Variants in SGK3 observed in about 807,000 individuals in gnomAD.
SGK3 encodes serine/threonine-protein kinase Sgk3.
Under a neutral mutation model 68.5 loss-of-function variants are expected in SGK3, and 47 were observed. The observed-to-expected ratio is 0.69, with a 90% CI of 0.54 to 0.87. The LOEUF is 0.87. SGK3 is among the 40% of genes least tolerant of loss of function. The pLI, the probability that SGK3 is intolerant of heterozygous loss-of-function variation, is 0.00. For synonymous variants in SGK3, 181 were observed against 189.1 expected, an observed-to-expected ratio of 0.96 and a Z score of 0.35; for missense variants, 479 against 575.5, an observed-to-expected ratio of 0.83 and a Z score of 1.72.
chr8:66,836,739 G>A (rs1037167594), intron 10 of SGK3, among the ~76,000 whole-genome samples: 6 of 148,616 alleles, frequency 4.0e-5, no homozygotes, highest in Admixed American at 6.7e-5. Context: ...TAAAGACTTC[G>A]AGAAATTCTG....
At chr8:66,814,369 T>C (rs542668186) in intron 5 of SGK3, among the ~76,000 whole-genome samples, 1 of 152,260 alleles carries the variant, frequency 6.6e-6, no homozygotes, top group African/African-American at 2.4e-5. Context: ...ATTTTTATGA[T>C]AGAGGTGCTA....
intron 16 of SGK3, among the ~76,000 whole-genome samples, chr8:66,858,168 C>G (rs1327324213): frequency 2.0e-5 from 3 of 152,040 alleles, no homozygotes; most frequent in Non-Finnish European, 2.9e-5. Flanking sequence ...TATGGAAGCT[C>G]AAATACAAAA....
intron 13 of SGK3, among the ~76,000 whole-genome samples, 190 bp from the exon 14 acceptor site, chr8:66,843,262 G>T (rs1411007135): frequency 6.6e-6 from 1 of 152,120 alleles, no homozygotes; most frequent in Non-Finnish European, 1.5e-5. Context: ...TACATGTATT[G>T]TGAAGTGTTC....
At chr8:66,839,555 A>ATG (rs1809707896) in intron 10 of SGK3, among the ~76,000 whole-genome samples, 2 of 72,228 alleles carry the variant, frequency 2.8e-5, no homozygotes, top group African/African-American at 1.5e-4. Flanking sequence ...ATATATATAT[A>ATG]TATTTTCATA....
chr8:66,744,509 A>C (rs1443363565), intron 1 of SGK3, among the ~76,000 whole-genome samples: 2 of 25,084 alleles, frequency 8.0e-5, no homozygotes, highest in Non-Finnish European at 1.3e-4. Context: ...ATATATATAT[A>C]TATATATATA....
intron 1 of SGK3, among the ~76,000 whole-genome samples, chr8:66,762,383 G>A (rs1217575367): frequency 6.6e-6 from 1 of 152,168 alleles, no homozygotes; most frequent in East Asian, 1.9e-4. Flanking sequence ...TGGGTGTGGT[G>A]GCATGTGCCT....
At chr8:66,746,269 A>G (rs1184050652) in intron 1 of SGK3, among the ~76,000 whole-genome samples, 1 of 152,108 alleles carries the variant, frequency 6.6e-6, no homozygotes. Context: ...CTGTCTTCAG[A>G]TAGTGTGGGC....
intron 1 of SGK3, among the ~76,000 whole-genome samples, chr8:66,735,070 T>C (rs1444893638): frequency 6.6e-6 from 1 of 152,226 alleles, no homozygotes; most frequent in Non-Finnish European, 1.5e-5. Flanking sequence ...TTGTTAATCT[T>C]TTACTGTGCC....
At chr8:66,785,898 A>G (rs1807179201) in intron 1 of SGK3, among the ~76,000 whole-genome samples, 1 of 152,200 alleles carries the variant, frequency 6.6e-6, no homozygotes, top group Non-Finnish European at 1.5e-5. Context: ...CTACAAAATT[A>G]TCTTCTGACT....
At chr8:66,822,246 G>A (rs1396677461) in intron 5 of SGK3, 126 bp from the exon 6 acceptor site, 4 of 761,556 alleles carry the variant, frequency 5.3e-6, no homozygotes, top group Non-Finnish European at 7.6e-6. Flanking sequence ...GAATATTAAT[G>A]GATTCTGTTT....
chr8:66,747,160 A>T (rs1249169426), intron 1 of SGK3, among the ~76,000 whole-genome samples: 1 of 152,128 alleles, frequency 6.6e-6, no homozygotes, highest in Non-Finnish European at 1.5e-5. Context: ...AGAGTATGAC[A>T]TCAGGAGAAG....
At chr8:66,833,620 C>T (rs1809390854) in intron 8 of SGK3, among the ~76,000 whole-genome samples, 1 of 152,176 alleles carries the variant, frequency 6.6e-6, no homozygotes, top group African/African-American at 2.4e-5. Flanking sequence ...GTTGTCAAAT[C>T]CGTGACCATG....
chr8:66,785,740 C>G (rs1260704896), intron 1 of SGK3, among the ~76,000 whole-genome samples: 1 of 152,232 alleles, frequency 6.6e-6, no homozygotes, highest in Non-Finnish European at 1.5e-5. Context: ...TTGCCGTCAT[C>G]TGACCCATTT....
chr8:66,835,645 G>T, intron 8 of SGK3, 118 bp from the exon 9 acceptor site: 1 of 1,058,712 alleles, frequency 9.4e-7, no homozygotes, highest in East Asian at 2.6e-5. Flanking sequence ...ACATGATCTA[G>T]GTCCCTTATG....
chr8:66,714,026 G>T (rs976069446), intron 1 of SGK3, among the ~76,000 whole-genome samples: 10 of 152,180 alleles, frequency 6.6e-5, no homozygotes, highest in African/African-American at 2.4e-4. Context: ...TTCAACTGCC[G>T]TTGTGCCCAT....
intron 1 of SGK3, among the ~76,000 whole-genome samples, chr8:66,747,987 A>G (rs1459532210): frequency 6.6e-6 from 1 of 152,198 alleles, no homozygotes; most frequent in Non-Finnish European, 1.5e-5. Flanking sequence ...TGTGAATCTC[A>G]GTGAGTTACT....
intron 1 of SGK3, among the ~76,000 whole-genome samples, chr8:66,728,113 G>T (rs147576917): frequency 9.1e-4 from 138 of 152,182 alleles, no homozygotes; most frequent in African/African-American, 3.2e-3. Context: ...ATCCCCAAAA[G>T]AAACTCTGGA....
chr8:66,757,924 A>T (rs1381987734), intron 1 of SGK3, among the ~76,000 whole-genome samples: 1 of 138,094 alleles, frequency 7.2e-6, no homozygotes, highest in Non-Finnish European at 1.5e-5. Flanking sequence ...TAAAAAAAAA[A>T]GTGTATATAT....
chr8:66,795,909 G>C (rs1349366825), intron 2 of SGK3, among the ~76,000 whole-genome samples: 4 of 152,028 alleles, frequency 2.6e-5, no homozygotes, highest in Non-Finnish European at 4.4e-5. Context: ...AGAATGCAAG[G>C]TTCTTTGAAG....
Sources: gnomAD v4.1 joint callset for allele counts (sites outside exome capture counted in the v4.1 genomes callset) on GRCh38, gnomAD v4.1.1 for gene constraint, MANE v1.5 for transcripts, NCBI Gene and HGNC (gene_info 2026-07-23, HGNC 2026-07-21) for gene names.